KIF6: variants seen among roughly 807,000 people sequenced by gnomAD.
The protein encoded by KIF6 is kinesin-like protein KIF6.
KIF6 carries 106 observed loss-of-function variants against 112.7 expected under a neutral mutation model. The ratio of observed to expected loss-of-function variants is 0.94; its 90% CI spans 0.80 to 1.11. The LOEUF is 1.11. KIF6 is among the 50% of genes least tolerant of loss of function. The pLI, the probability that KIF6 is intolerant of heterozygous loss-of-function variation, is 0.00. For missense variants in KIF6, 929 were observed against 964.0 expected, an observed-to-expected ratio of 0.96 and a Z score of 0.48; for synonymous variants, 339 against 339.9, an observed-to-expected ratio of 1.00 and a Z score of 0.03.
chr6:39,423,553 C>A (rs1259993170), intron 14 of KIF6, among the ~76,000 whole-genome samples: 5 of 152,170 alleles, frequency 3.3e-5, no homozygotes, highest in Admixed American at 1.3e-4. Context: ...CCACCTCAGC[C>A]CTGCTTTAGT....
chr6:39,364,409 G>A (rs1008003679), intron 16 of KIF6, among the ~76,000 whole-genome samples: 12 of 152,182 alleles, frequency 7.9e-5, no homozygotes, highest in South Asian at 2.1e-4. Flanking sequence ...GTGAGCCACC[G>A]CGCCCAGCCC....
At chr6:39,708,094 C>A (rs919674511) in intron 3 of KIF6, among the ~76,000 whole-genome samples, 2 of 152,194 alleles carry the variant, frequency 1.3e-5, no homozygotes, top group Non-Finnish European at 2.9e-5. Flanking sequence ...ATTAGCAGAA[C>A]TGGGTGTGCT....
chr6:39,542,442 G>A (rs1180401024), intron 12 of KIF6, among the ~76,000 whole-genome samples: 1 of 152,104 alleles, frequency 6.6e-6, no homozygotes, highest in Non-Finnish European at 1.5e-5. Flanking sequence ...ATCTGATGTC[G>A]TTCGCAGTCA....
rs1562112885 is a variant in KIF6, at chr6:39,346,087, C to CTCTCTCTCTCTCTCT, written c.2232-299_2232-298insAGAGAGAGAGAGAGA. 3.2e-3 allele frequency among the ~76,000 whole-genome samples: 9 copies of CTCTCTCTCTCTCTCT among 2,820 alleles called. 2 individuals are homozygous for CTCTCTCTCTCTCTCT. The highest frequency in any genetic ancestry group is 9.3e-3 in the Admixed American group (2 of 216). The allele number at this position is 2,820 out of a possible 152,430, so 1.9% of individuals were successfully genotyped here. A position where few individuals can be genotyped will look rare whatever the true frequency, so the allele number is the denominator to read the frequency against. On this transcript the variant is annotated intron_variant, in intron 20 of 22. Coordinates refer to ENST00000287152, the MANE Select transcript of KIF6 (RefSeq NM_145027.6). ...CTCTCTCTCTCTCTCTCTCTCTCTCCCCCCCCTCTCCCTCCCCCCCTCCCT... is the reference window on the plus strand; with the variant it reads ...CTCTCTCTCTCTCTCTCTCTCTCTCCTCTCTCTCTCTCTCTCCCCCCTCTCCCTCCCCCCCTCCCT...
intron 5 of KIF6, among the ~76,000 whole-genome samples, chr6:39,616,335 C>T (rs1047142973): frequency 1.3e-5 from 2 of 152,170 alleles, no homozygotes; most frequent in African/African-American, 4.8e-5. Flanking sequence ...ATGCCCTTGG[C>T]GTTTCTTCAT....
chr6:39,413,843 T>A (rs1389077955), intron 15 of KIF6, among the ~76,000 whole-genome samples: 1 of 152,212 alleles, frequency 6.6e-6, no homozygotes, highest in East Asian at 1.9e-4. Context: ...GCAAGTTGGG[T>A]ACAAAAAATT....
intron 13 of KIF6, among the ~76,000 whole-genome samples, chr6:39,443,151 AATAAT>A (rs1446499610): frequency 0.025 from 3,231 of 128,746 alleles, 53 homozygotes; most frequent in South Asian, 0.053. Context: ...TAATAATAAT[AATAAT>A]AATAAATAAA....
chr6:39,402,417 A>G (rs956703767), intron 15 of KIF6, among the ~76,000 whole-genome samples: 2 of 152,128 alleles, frequency 1.3e-5, no homozygotes, highest in Non-Finnish European at 2.9e-5. Context: ...AGGGAGAGAC[A>G]TTTCTGGCTG....
chr6:39,513,096 TACAA>T (rs1037355263), intron 13 of KIF6, among the ~76,000 whole-genome samples: 9 of 152,208 alleles, frequency 5.9e-5, no homozygotes, highest in African/African-American at 2.2e-4. Context: ...TCTTCATGAC[TACAA>T]ACTTCATGTT....
At chr6:39,675,884 G>C (rs902559278) in intron 3 of KIF6, among the ~76,000 whole-genome samples, 17 of 151,832 alleles carry the variant, frequency 1.1e-4, no homozygotes, top group Non-Finnish European at 2.9e-5. Flanking sequence ...GGTGAGAAAA[G>C]GCTTAATGAA....
At chr6:39,579,543 GTTCT>G (rs1382524165) in intron 9 of KIF6, among the ~76,000 whole-genome samples, 1 of 151,946 alleles carries the variant, frequency 6.6e-6, no homozygotes, top group Non-Finnish European at 1.5e-5. Context: ...ACTTTGCAGT[GTTCT>G]TTTTGTTAAA....
At chr6:39,718,319 A>G (rs1160588570) in intron 2 of KIF6, 1 of 151,802 alleles carries the variant, frequency 6.6e-6, no homozygotes, top group Non-Finnish European at 1.5e-5. Flanking sequence ...AAATGGAATC[A>G]TGTTGAATAA....
chr6:39,408,457 T>G (rs1769242202), intron 15 of KIF6, among the ~76,000 whole-genome samples: 1 of 152,144 alleles, frequency 6.6e-6, no homozygotes, highest in Non-Finnish European at 1.5e-5. Flanking sequence ...AAAGGTGAAA[T>G]GTCTGTTACA....
intron 15 of KIF6, among the ~76,000 whole-genome samples, chr6:39,397,575 G>A (rs1024470554): frequency 2.0e-5 from 3 of 152,090 alleles, no homozygotes; most frequent in Admixed American, 6.6e-5. Context: ...ATTCCAGTAC[G>A]CATGGCTCTG....
chr6:39,550,857 T>A (rs931173913), intron 10 of KIF6, among the ~76,000 whole-genome samples: 1 of 152,164 alleles, frequency 6.6e-6, no homozygotes, highest in Non-Finnish European at 1.5e-5. Context: ...AAACTAAAGC[T>A]ACATATTACC....
At chr6:39,366,910 G>A (rs183025478) in intron 16 of KIF6, among the ~76,000 whole-genome samples, 5 of 148,978 alleles carry the variant, frequency 3.4e-5, no homozygotes, top group Admixed American at 6.6e-5. Flanking sequence ...TTTTTTTGCT[G>A]ATCAAGACAA....
At chr6:39,468,062 G>A (rs1251258066) in intron 13 of KIF6, among the ~76,000 whole-genome samples, 2 of 152,062 alleles carry the variant, frequency 1.3e-5, no homozygotes, top group African/African-American at 2.4e-5. Flanking sequence ...GTTGAAAAGT[G>A]CAATAACCAA....
intron 13 of KIF6, among the ~76,000 whole-genome samples, chr6:39,535,547 A>G (rs2150552945): frequency 6.6e-6 from 1 of 152,372 alleles, no homozygotes; most frequent in Admixed American, 6.5e-5. Flanking sequence ...ATACAGGAGC[A>G]CCCAGATGCA....
chr6:39,438,560 T>C (rs1771708300), intron 13 of KIF6, among the ~76,000 whole-genome samples: 1 of 151,996 alleles, frequency 6.6e-6, no homozygotes, highest in African/African-American at 2.4e-5. Flanking sequence ...GAAAAGCTGA[T>C]AGAATAAAGA....
Sources: allele counts gnomAD v4.1 joint callset (sites outside exome capture counted in the v4.1 genomes callset), GRCh38; gene constraint gnomAD v4.1.1; transcripts MANE v1.5; gene names NCBI Gene and HGNC (gene_info 2026-07-23, HGNC 2026-07-21).